STXBP5: variants seen among roughly 807,000 people sequenced by gnomAD.
STXBP5 encodes the protein syntaxin binding protein 5, also known as syntaxin-binding protein 5.
A neutral mutation model predicts 152.4 loss-of-function variants in STXBP5; 50 were observed. The ratio of observed to expected loss-of-function variants is 0.33; its 90% confidence interval spans 0.26 to 0.42. STXBP5 has a LOEUF of 0.42. Among genes scored for constraint, STXBP5 ranks in the 10% least tolerant of loss-of-function variants. STXBP5 has a pLI of 1.00. For missense variants in STXBP5, 1,167 were observed against 1,388.6 expected, an observed-to-expected ratio of 0.84 and a Z score of 2.54; for synonymous variants, 492 against 494.7, an observed-to-expected ratio of 0.99 and a Z score of 0.07.
chr6:147,321,928 C>T (rs1340796352), intron 16 of STXBP5, among the ~76,000 whole-genome samples: 1 of 152,114 alleles, frequency 6.6e-6, no homozygotes, highest in Non-Finnish European at 1.5e-5. Context: ...CATCCTTTAC[C>T]ATTTTGCATC....
At chr6:147,380,092 A>G (rs944340823) in intron 26 of STXBP5, among the ~76,000 whole-genome samples, 1 of 151,892 alleles carries the variant, frequency 6.6e-6, no homozygotes, top group African/African-American at 2.4e-5. Flanking sequence ...TTCATATCAA[A>G]ATCACAACAA....
chr6:147,279,515 T>C (rs1209092429), intron 8 of STXBP5, among the ~76,000 whole-genome samples: 1 of 152,188 alleles, frequency 6.6e-6, no homozygotes, highest in Non-Finnish European at 1.5e-5. Flanking sequence ...ACAAGTTTTA[T>C]CTATCTGTGG....
intron 16 of STXBP5, among the ~76,000 whole-genome samples, chr6:147,317,076 G>T (rs1283744819): frequency 6.6e-6 from 1 of 152,200 alleles, no homozygotes; most frequent in Non-Finnish European, 1.5e-5. Flanking sequence ...CTAGGATAAT[G>T]ACGGAAAGGT....
intron 1 of STXBP5, among the ~76,000 whole-genome samples, chr6:147,205,582 A>G (rs1776506979): frequency 2.0e-5 from 3 of 152,178 alleles, no homozygotes; most frequent in Admixed American, 2.0e-4. Flanking sequence ...TAGCATCCAA[A>G]TAAAGTAATG....
chr6:147,277,463 A>C (rs913037081), intron 7 of STXBP5, among the ~76,000 whole-genome samples: 2 of 152,106 alleles, frequency 1.3e-5, no homozygotes, highest in Non-Finnish European at 2.9e-5. Context: ...CAAAAAAATG[A>C]GGGGTATCAT....
At chr6:147,353,249 T>C in intron 21 of STXBP5, 74 bp from the exon 22 acceptor site, 1 of 927,144 alleles carries the variant, frequency 1.1e-6, no homozygotes, top group East Asian at 2.9e-5. Context: ...TATTCACTTC[T>C]ATCTTGAAAA....
intron 4 of STXBP5, among the ~76,000 whole-genome samples, chr6:147,258,319 A>T (rs1396669714): frequency 6.6e-6 from 1 of 152,212 alleles, no homozygotes; most frequent in African/African-American, 2.4e-5. Flanking sequence ...CATTTCCTTA[A>T]AAAAAGATTT....
intron 9 of STXBP5, among the ~76,000 whole-genome samples, chr6:147,299,027 AAC>A (rs1461201002): frequency 2.0e-5 from 3 of 152,066 alleles, no homozygotes; most frequent in African/African-American, 7.2e-5. Flanking sequence ...GTAGCAATGA[AAC>A]ACAGTTTGTA....
chr6:147,366,980 T>C (rs1562272058), intron 25 of STXBP5, among the ~76,000 whole-genome samples: 1 of 152,004 alleles, frequency 6.6e-6, no homozygotes, highest in Non-Finnish European at 1.5e-5. Context: ...CAGAAAAACA[T>C]GAGCCATCAT....
At chr6:147,380,275 T>G (rs1270993627) in intron 26 of STXBP5, among the ~76,000 whole-genome samples, 1 of 151,584 alleles carries the variant, frequency 6.6e-6, no homozygotes, top group Non-Finnish European at 1.5e-5. Context: ...ACTACAAAGC[T>G]ATAGTCATCA....
At chr6:147,259,730 T>TG (rs1315782198) in intron 4 of STXBP5, among the ~76,000 whole-genome samples, 4 of 151,726 alleles carry the variant, frequency 2.6e-5, no homozygotes, top group Non-Finnish European at 4.4e-5. Context: ...AGAGACGAAA[T>TG]GGGGGGGTCT....
At position 147,327,196 on chromosome 6, in the gene STXBP5, G is replaced by A; in HGVS notation, c.2000G>A (p.Gly667Asp). 1.9e-6 allele frequency: 3 copies of A among 1,614,024 alleles called. No individual in the cohort carries two copies. The highest frequency in any genetic ancestry group is 2.5e-6 in the Non-Finnish European group (3 of 1,179,992). Reference protein sequence around the residue: ...YLQKAVLLNLGTIELYGSNDP... With the variant: ...YLQKAVLLNLDTIELYGSNDP... ...CAGAAAGCAGTGCTGCTCAACCTGG[G>A]CACTATTGAATTATATGGCTCTAAT... is the stretch of plus-strand genomic sequence containing the variant. The change falls in exon 18 of 28, where the codon GGC becomes GAC. Residue 667 changes from glycine to aspartate, a missense_variant. By Grantham distance (94) the Gly-to-Asp change is moderately conservative (BLOSUM62 -1). Transcript: ENST00000321680.
chr6:147,300,018 A>G (rs1340101034), intron 9 of STXBP5, among the ~76,000 whole-genome samples: 1 of 152,038 alleles, frequency 6.6e-6, no homozygotes, highest in Non-Finnish European at 1.5e-5. Context: ...ATATGCTAAT[A>G]GTGAACTAAC....
At chr6:147,213,179 T>C (rs1363788231) in intron 2 of STXBP5, among the ~76,000 whole-genome samples, 1 of 152,104 alleles carries the variant, frequency 6.6e-6, no homozygotes, top group Non-Finnish European at 1.5e-5. Context: ...TAGGTTTGAG[T>C]ATCACTAAAG....
At chr6:147,299,309 G>T (rs59998308) in intron 9 of STXBP5, among the ~76,000 whole-genome samples, 2,625 of 150,878 alleles carry the variant, frequency 0.017, 58 homozygotes, top group African/African-American at 0.057. Context: ...GACTTAGGAA[G>T]AAATGGAAAA....
Position 147,387,747 on chromosome 6 carries a change from T to G in STXBP5, c.*2992T>G, listed in dbSNP as rs1240882154. 1 of 151,772 alleles carries G rather than the reference T, an allele frequency of 6.6e-6. No individual in the cohort carries two copies. The highest frequency in any genetic ancestry group is 2.4e-5 in the African/African-American group (1 of 41,412). 9.4% of individuals were successfully genotyped at this position (151,772 alleles called of 1,614,324 possible). A position where few individuals can be genotyped will look rare whatever the true frequency, so the allele number is the denominator to read the frequency against. On this transcript the variant is annotated 3_prime_UTR_variant, in exon 28 of 28. Coordinates refer to ENST00000321680, the MANE Select transcript of STXBP5 (RefSeq NM_001127715.4). The stretch of plus-strand genomic sequence containing the variant: ...TCTATGTTATTATGTGTAAGTATAT[T>G]ACAATTTAATTAAGTACAATAGTTT...
At chr6:147,283,168 T>G (rs1780781231) in intron 8 of STXBP5, among the ~76,000 whole-genome samples, 1 of 152,204 alleles carries the variant, frequency 6.6e-6, no homozygotes, top group Admixed American at 6.5e-5. Context: ...TATTCATCAA[T>G]GTAATCAATC....
At chr6:147,379,608 C>A (rs796128784) in intron 26 of STXBP5, among the ~76,000 whole-genome samples, 3 of 152,122 alleles carry the variant, frequency 2.0e-5, no homozygotes, top group African/African-American at 7.2e-5. Flanking sequence ...GAGCTCTTAC[C>A]ACTTCTATTT....
intron 5 of STXBP5, 127 bp from the exon 6 acceptor site, chr6:147,262,163 C>T: frequency 1.6e-6 from 1 of 640,064 alleles, no homozygotes; most frequent in Non-Finnish European, 2.6e-6. Flanking sequence ...TTATTTATCT[C>T]TTGCTGAAAT....
Sources: allele counts gnomAD v4.1 joint callset (sites outside exome capture counted in the v4.1 genomes callset), GRCh38; gene constraint gnomAD v4.1.1; transcripts MANE v1.5; gene names NCBI Gene and HGNC (gene_info 2026-07-23, HGNC 2026-07-21).